Variants in KDM2A observed in about 807,000 individuals in gnomAD.
KDM2A encodes lysine demethylase 2A, also known as lysine-specific demethylase 2A.
A neutral mutation model predicts 137.3 loss-of-function variants in KDM2A; 3 were observed. That is an observed-to-expected ratio of 0.02 (90% CI 0.01 to 0.06). The LOEUF (loss-of-function observed/expected upper bound fraction) is 0.06, where lower values mean the gene tolerates loss of function less well. Ranked by LOEUF, KDM2A falls within the 10% of genes least tolerant of loss-of-function variation. The pLI is 1.00. For synonymous variants in KDM2A, 512 were observed against 541.5 expected, an observed-to-expected ratio of 0.95 and a Z score of 0.76; for missense variants, 738 against 1,510.6, an observed-to-expected ratio of 0.49 and a Z score of 8.48.
intron 2 of KDM2A, among the ~76,000 whole-genome samples, chr11:67,153,874 CT>C (rs926088136): frequency 1.3e-5 from 2 of 151,706 alleles, no homozygotes; most frequent in African/African-American, 4.8e-5. Flanking sequence ...TGATAATCCC[CT>C]TTTTTTATTT....
At chr11:67,163,732 T>C (rs1042726184) in intron 2 of KDM2A, among the ~76,000 whole-genome samples, 1 of 151,998 alleles carries the variant, frequency 6.6e-6, no homozygotes, top group Admixed American at 6.6e-5. Flanking sequence ...GGTGCGTACC[T>C]GTAATCCCAG....
chr11:67,183,214 G>GA (rs1857128575), intron 5 of KDM2A, among the ~76,000 whole-genome samples: 1 of 152,222 alleles, frequency 6.6e-6, no homozygotes, highest in African/African-American at 2.4e-5. Flanking sequence ...GTTGAATAAT[G>GA]AAAATGCTCC....
At chr11:67,155,838 A>G (rs1272337095) in intron 2 of KDM2A, among the ~76,000 whole-genome samples, 2 of 142,144 alleles carry the variant, frequency 1.4e-5, no homozygotes, top group Non-Finnish European at 3.1e-5. Flanking sequence ...CTGGTTTGGA[A>G]CTCCCGACCT....
rs1859185212 is a variant in KDM2A at position 67,245,745 on chromosome 11, G to T, written c.1834-240G>T. ...TCTTCAGGTAGATTAGAAAGGACCG[G>T]GGAGGCCAAGTATAGGCCAACTGAA... On this transcript the variant is annotated intron_variant, in intron 14 of 20. Coordinates refer to ENST00000529006, the MANE Select transcript of KDM2A (RefSeq NM_012308.3). The surrounding 1 kb of genome is among the most constrained non-coding windows in gnomAD (Gnocchi z 4.1). 6 of 600,300 alleles carry T rather than the reference G, an allele frequency of 1.0e-5. No individual in the cohort carries two copies. In the Admixed American group the frequency reaches 1.5e-4, roughly 15 times the overall value. 37.2% of individuals were successfully genotyped at this position (600,300 alleles called of 1,614,324 possible).
chr11:67,209,628 G>A (rs1458497529), intron 6 of KDM2A, among the ~76,000 whole-genome samples: 1 of 151,830 alleles, frequency 6.6e-6, no homozygotes, highest in African/African-American at 2.4e-5. Flanking sequence ...ATTTTTAGTA[G>A]AGATGGGGTT....
chr11:67,161,600 C>T (rs1054747441), intron 2 of KDM2A, among the ~76,000 whole-genome samples: 6 of 152,124 alleles, frequency 3.9e-5, no homozygotes, highest in Admixed American at 2.0e-4. Context: ...ACTCAAATTT[C>T]ATTTAAAAAA....
intron 6 of KDM2A, among the ~76,000 whole-genome samples, chr11:67,211,428 A>G (rs1485434860): frequency 6.6e-6 from 1 of 151,860 alleles, no homozygotes; most frequent in African/African-American, 2.4e-5. Flanking sequence ...AGCCTGGCCA[A>G]CATGGTGAAA....
rs1857059374 is a variant in KDM2A at position 67,180,201 on chromosome 11, T to G, written c.165T>G (p.Thr55=). 1.9e-6 allele frequency: 3 copies of G among 1,613,726 alleles called. No homozygotes were observed. The highest frequency in any genetic ancestry group is 2.5e-6 in the Non-Finnish European group (3 of 1,179,790). Residue 55 remains threonine, a synonymous_variant, in exon 3 of 21, where the codon ACT becomes ACG. Coordinates refer to ENST00000529006, the MANE Select transcript of KDM2A (RefSeq NM_012308.3). ...ACAAATATAATGCCAATTTTGTTACTTTTATGGAAGGAAAAGGTCAGTATT... is the reference window on the plus strand; with the variant it reads ...ACAAATATAATGCCAATTTTGTTACGTTTATGGAAGGAAAAGGTCAGTATT... ...HTNKYNANFV[T]FMEGKDFNVE...
chr11:67,252,023 T>G (rs1277184569), intron 17 of KDM2A, among the ~76,000 whole-genome samples: 1 of 152,090 alleles, frequency 6.6e-6, no homozygotes, highest in African/African-American at 2.4e-5. Context: ...AGCCAGCATG[T>G]TGTGGTTTGT....
intron 2 of KDM2A, among the ~76,000 whole-genome samples, chr11:67,160,971 A>G (rs914459718): frequency 1.4e-4 from 22 of 152,206 alleles, no homozygotes; most frequent in African/African-American, 5.1e-4. Context: ...TGAACAAAAA[A>G]TAGCAAATTA....
chr11:67,199,313 A>G (rs927472421), intron 5 of KDM2A, among the ~76,000 whole-genome samples: 43 of 152,246 alleles, frequency 2.8e-4, no homozygotes, highest in African/African-American at 1.0e-3. Flanking sequence ...GAAGAGTCCC[A>G]CCTCTCTCAC....
chr11:67,217,945 G>C, intron 9 of KDM2A, 61 bp downstream of exon 9: 1 of 1,394,360 alleles, frequency 7.2e-7, no homozygotes, highest in Non-Finnish European at 9.7e-7. Flanking sequence ...AAAAGAAATT[G>C]ATGGATTACC....
intron 2 of KDM2A, among the ~76,000 whole-genome samples, chr11:67,163,022 T>C (rs372158893): frequency 5.3e-5 from 8 of 152,296 alleles, no homozygotes; most frequent in African/African-American, 1.7e-4. Context: ...GATTTCTTTT[T>C]CTTAAAGTTA....
At chr11:67,188,735 G>T (rs1412658546) in intron 5 of KDM2A, among the ~76,000 whole-genome samples, 3 of 145,664 alleles carry the variant, frequency 2.1e-5, no homozygotes, top group African/African-American at 7.7e-5. Flanking sequence ...AAGCTGCAGT[G>T]ACCTGAGATT....
intron 12 of KDM2A, among the ~76,000 whole-genome samples, chr11:67,239,528 T>C (rs1167635310): frequency 1.3e-5 from 2 of 152,118 alleles, no homozygotes; most frequent in African/African-American, 4.8e-5. Context: ...CGAGGGCAGG[T>C]GAAGCAGGCA....
At chr11:67,128,988 C>T (rs1015986845) in intron 2 of KDM2A, among the ~76,000 whole-genome samples, 1 of 152,174 alleles carries the variant, frequency 6.6e-6, no homozygotes, top group Non-Finnish European at 1.5e-5. Flanking sequence ...GAGGTTGAGG[C>T]AGAAGTATCA....
At position 67,253,756 on chromosome 11, in the gene KDM2A, G is replaced by A. The variant is rs1035191883; in HGVS notation, c.3091+145G>A. 7.2e-6 allele frequency: 6 copies of A among 830,866 alleles called. No individual in the cohort carries two copies. In the East Asian group the frequency reaches 7.5e-5, roughly 10 times the overall value. 51.5% of individuals were successfully genotyped at this position (830,866 alleles called of 1,614,324 possible). ...CAAAATGAAAACAGAATGATGGACT[G>A]TGTACAAGAATAGGGTAACTATAAG... On this transcript the variant is annotated intron_variant, in intron 19 of 20. Transcript: ENST00000529006.
Position 67,161,706 on chromosome 11 carries a change from G to A in KDM2A, c.43-18373G>A, listed in dbSNP as rs77661697. The stretch of plus-strand genomic sequence containing the variant: ...ACATGTGGTCTGGGGATATACACAA[G>A]GATTCTTTTATTAGGGGTTTGTGAA... On this transcript the variant is annotated intron_variant, in intron 2 of 20. Transcript: ENST00000529006. Among the ~76,000 whole-genome samples, 55 of 152,172 alleles carry A rather than the reference G, an allele frequency of 3.6e-4. No individual in the cohort carries two copies. In the East Asian group the frequency reaches 8.5e-3, roughly 24 times the overall value.
chr11:67,156,902 T>C (rs1856527747), intron 2 of KDM2A, among the ~76,000 whole-genome samples: 1 of 149,034 alleles, frequency 6.7e-6, no homozygotes, highest in Admixed American at 6.7e-5. Context: ...AAAGAAAATA[T>C]GAAATAGGAG....
Sources: allele counts gnomAD v4.1 joint callset (sites outside exome capture counted in the v4.1 genomes callset), GRCh38; gene constraint gnomAD v4.1.1; non-coding constraint Gnocchi (gnomAD v3.1); transcripts MANE v1.5; gene names NCBI Gene and HGNC (gene_info 2026-07-23, HGNC 2026-07-21).